Variants in ACOX1 observed in about 807,000 individuals in gnomAD.
The protein encoded by ACOX1 is acyl-CoA oxidase 1.
ACOX1 carries 41 observed loss-of-function variants against 75.5 expected under a neutral mutation model. That is an observed-to-expected ratio of 0.54 (90% CI 0.42 to 0.70). The LOEUF is 0.70. ACOX1 is among the 30% of genes least tolerant of loss of function. The pLI is 0.00. For missense variants in ACOX1, 630 were observed against 837.5 expected (o/e 0.75, Z 3.06); for synonymous variants, 303 against 298.8 (o/e 1.01, Z -0.15).
At position 75,950,065 on chromosome 17, in the gene ACOX1, T is replaced by C. The variant is rs2065760374; in HGVS notation, c.1299-168A>G. ...AATGAATGATTCTCCTGCCTCAGCC[T>C]CCCAAGTAGCTGGGACTACAGGCAC... is the stretch of plus-strand genomic sequence containing the variant. On this transcript the variant is annotated intron_variant, in intron 9 of 13. Transcript: ENST00000293217. This position sits in a 1 kb window ranked among gnomAD's most constrained non-coding sequence, Gnocchi z 4.3. Among the ~76,000 whole-genome samples the C allele has an allele frequency of 6.6e-6, 1 of 152,112 alleles. No homozygotes were observed. Among genetic ancestry groups the C allele is most frequent in the Non-Finnish European group, 1.5e-5 (1 of 68,030 alleles).
chr17:75,951,419 G>A lies in ACOX1; in HGVS notation c.1103C>T (p.Pro368Leu). 6.2e-7 allele frequency: 1 copy of A among 1,614,086 alleles called. No homozygotes were observed. Among genetic ancestry groups the A allele is most frequent in the Non-Finnish European group, 8.5e-7 (1 of 1,180,018 alleles). ...GIGQGDLSELPELHALTAGLK... is the reference protein window; with the variant it reads ...GIGQGDLSELLELHALTAGLK... ...TGAATGAGACCAAACTCATACCTCA[G>A]GCAGTTCACTCAGGTCCCCTTGACC... Residue 368 changes from proline (P) to leucine (L), a missense_variant, in exon 8 of 14, where the codon CCT (proline) becomes CTT (leucine). Physicochemically the swap from Pro to Leu is moderately conservative, Grantham distance 98 (BLOSUM62 -3). This residue lies in a region of ACOX1 where 390 missense variants were observed against 574.9 expected (regional missense o/e 0.68). Coordinates refer to ENST00000293217, the MANE Select transcript of ACOX1 (RefSeq NM_004035.7).
At chr17:75,969,223 A>G (rs2065970718) in intron 2 of ACOX1, among the ~76,000 whole-genome samples, 1 of 152,142 alleles carries the variant, frequency 6.6e-6, no homozygotes, top group Admixed American at 6.6e-5. Context: ...CTAGAGCGCA[A>G]TGGCGCAATC....
intron 6 of ACOX1, among the ~76,000 whole-genome samples, chr17:75,955,333 T>A (rs2065813995): frequency 6.6e-6 from 1 of 152,044 alleles, no homozygotes; most frequent in Non-Finnish European, 1.5e-5. Flanking sequence ...CAGCTAGATT[T>A]TTTTACTTTT....
chr17:75,976,590 T>A (rs1417958121), intron 2 of ACOX1, among the ~76,000 whole-genome samples: 1 of 152,146 alleles, frequency 6.6e-6, no homozygotes, highest in African/African-American at 2.4e-5. Flanking sequence ...AAACAGACCA[T>A]TTGGAAGTAT....
chr17:75,953,270 T>G, intron 7 of ACOX1, 181 bp downstream of exon 7: 1 of 627,050 alleles, frequency 1.6e-6, no homozygotes, highest in South Asian at 1.8e-5. Context: ...GCAAGGGTGG[T>G]TATTTCTGTC....
chr17:75,947,650 C>T (rs1443745887), intron 13 of ACOX1, among the ~76,000 whole-genome samples: 6 of 151,692 alleles, frequency 4.0e-5, no homozygotes, highest in African/African-American at 1.5e-4. Context: ...TACCAAAGAG[C>T]ACTACGGAAT....
At chr17:75,961,465 C>CAAAAAAAAAAA (rs142857967) in intron 2 of ACOX1, among the ~76,000 whole-genome samples, 24 of 50,772 alleles carry the variant, frequency 4.7e-4, no homozygotes, top group South Asian at 9.1e-4. Context: ...ACTAAAAATA[C>CAAAAAAAAAAA]AAAAAAAAAA....
At chr17:75,967,657 CAT>C (rs1204345663) in intron 2 of ACOX1, among the ~76,000 whole-genome samples, 2 of 91,610 alleles carry the variant, frequency 2.2e-5, no homozygotes, top group African/African-American at 1.4e-4. Context: ...TATATATATA[CAT>C]ACATATATAT....
chr17:75,951,077 C>CA, intron 8 of ACOX1, 113 bp from the exon 9 acceptor site: 1 of 1,125,636 alleles, frequency 8.9e-7, no homozygotes, highest in Admixed American at 2.0e-5. Flanking sequence ...ACACAGCTGC[C>CA]ACACATGCAA....
intron 2 of ACOX1, among the ~76,000 whole-genome samples, chr17:75,974,968 T>C (rs2066032002): frequency 7.3e-6 from 1 of 137,504 alleles, no homozygotes; most frequent in Non-Finnish European, 1.5e-5. Flanking sequence ...GAGAATGGCG[T>C]GAACCCGGGA....
intron 7 of ACOX1, 128 bp downstream of exon 7, chr17:75,953,323 C>A: frequency 2.0e-6 from 2 of 1,016,004 alleles, no homozygotes; most frequent in Non-Finnish European, 1.5e-6. Context: ...AATTACAGGC[C>A]CAGTTATCAC....
chr17:75,967,615 CATACATATATATAT>C (rs2065943927), intron 2 of ACOX1, among the ~76,000 whole-genome samples: 1 of 131,014 alleles, frequency 7.6e-6, no homozygotes, highest in African/African-American at 3.2e-5. Context: ...TATATATATA[CATACATATATATAT>C]ACATACATAT....
At position 75,950,859 on chromosome 17, in the gene ACOX1, T is replaced by C. The variant is rs779038446; in HGVS notation, c.1213A>G (p.Ser405Gly). The change falls in exon 9 of 14, where the codon AGT (serine) becomes GGT (glycine). Residue 405 changes from serine (S) to glycine (G), a missense_variant. Around this residue, in one of 2 missense-constraint regions of ACOX1, gnomAD observed 390 missense variants for 574.9 expected, o/e 0.68. Coordinates refer to ENST00000293217, the MANE Select transcript of ACOX1 (RefSeq NM_004035.7). This position sits in a 1 kb window ranked among gnomAD's most constrained non-coding sequence, Gnocchi z 4.3. ...ACGGHGYSHC[S>G]GLPNIYVNFT... is the part of the protein sequence containing the mutation. ...TTGACATAAATATTTGGAAGACCAC[T>C]GCAATGAGAATAGCCATGCCCACCA... The C allele has an allele frequency of 3.7e-6, 6 of 1,614,128 alleles. No individual in the cohort carries two copies. The highest frequency in any genetic ancestry group is 5.1e-6 in the Non-Finnish European group (6 of 1,180,026).
intron 2 of ACOX1, among the ~76,000 whole-genome samples, chr17:75,970,001 A>G (rs752536984): frequency 1.3e-5 from 2 of 152,004 alleles, no homozygotes; most frequent in Non-Finnish European, 2.9e-5. Flanking sequence ...CCTGGCCAAC[A>G]TGGTGAAACC....
intron 2 of ACOX1, among the ~76,000 whole-genome samples, chr17:75,970,963 A>T (rs555824430): frequency 1.3e-5 from 2 of 152,370 alleles, no homozygotes; most frequent in South Asian, 4.1e-4. Flanking sequence ...TCTAAACCAC[A>T]GAGATTAAGA....
chr17:75,960,115 A>G lies in ACOX1; in HGVS notation c.430+100T>C. The G allele has an allele frequency of 1.4e-6, 2 of 1,465,454 alleles. No homozygotes were observed. Among genetic ancestry groups the G allele is most frequent in the Non-Finnish European group, 9.5e-7 (1 of 1,057,404 alleles). 90.8% of individuals were successfully genotyped at this position (1,465,454 alleles called of 1,614,324 possible). A position where few individuals can be genotyped will look rare whatever the true frequency, so the allele number is the denominator to read the frequency against. ...GAAAGAGCTCATTTAAACAGACCATAGAACATCGACACACCATCGATGGCA... is the reference window on the plus strand; with the variant it reads ...GAAAGAGCTCATTTAAACAGACCATGGAACATCGACACACCATCGATGGCA... On this transcript the variant is annotated intron_variant, in intron 3 of 13. Transcript: ENST00000293217. The surrounding 1 kb of genome is among the most constrained non-coding windows in gnomAD (Gnocchi z 4.4).
At chr17:75,951,952 T>C (rs2065778884) in intron 7 of ACOX1, among the ~76,000 whole-genome samples, 1 of 151,900 alleles carries the variant, frequency 6.6e-6, no homozygotes, top group South Asian at 2.1e-4. Flanking sequence ...AGTGGTGGGA[T>C]TACAGGCATG....
In ACOX1 at chr17:75,946,723, A is replaced by C. The variant is rs1266061994; in HGVS notation, c.*25T>G. 7 of 1,611,144 alleles carry C rather than the reference A, an allele frequency of 4.3e-6. No individual in the cohort carries two copies. Among genetic ancestry groups the C allele is most frequent in the Non-Finnish European group, 5.1e-6 (6 of 1,177,512 alleles). On this transcript the variant is annotated 3_prime_UTR_variant, in exon 14 of 14. Transcript: ENST00000293217. ...GTTGCACACAGGCGCTTTCTGAAGC[A>C]GATTAAACTTGTCCTTGTGACACTT...
At chr17:75,963,387 C>A (rs1809766024) in intron 2 of ACOX1, among the ~76,000 whole-genome samples, 2 of 152,044 alleles carry the variant, frequency 1.3e-5, no homozygotes, top group South Asian at 4.1e-4. Flanking sequence ...AATTACTGCA[C>A]AAGCATAGCA....
Sources: gnomAD v4.1 joint callset for allele counts (sites outside exome capture counted in the v4.1 genomes callset) on GRCh38, gnomAD v4.1.1 for gene constraint, gnomAD v4.1.1 regional missense constraint, Gnocchi (gnomAD v3.1) non-coding constraint, MANE v1.5 for transcripts, NCBI Gene and HGNC (gene_info 2026-07-23, HGNC 2026-07-21) for gene names.